Variants in ELP4 observed in about 807,000 individuals in gnomAD.
The protein encoded by ELP4 is elongator acetyltransferase complex subunit 4, also known as elongator complex protein 4.
ELP4 carries 51 observed loss-of-function variants against 48.9 expected under a neutral mutation model. That is an observed-to-expected ratio of 1.04 (90% CI 0.83 to 1.32). The LOEUF is 1.32. Ranked by LOEUF, ELP4 falls within the 40% of genes most tolerant of loss-of-function variation. The pLI is 0.00. For synonymous variants in ELP4, 210 were observed against 189.2 expected, an observed-to-expected ratio of 1.11 and a Z score of -0.90; for missense variants, 519 against 514.6, an observed-to-expected ratio of 1.01 and a Z score of -0.08.
Position 31,722,965 on chromosome 11 carries a change from C to T in ELP4, c.1144-60428C>T, listed in dbSNP as rs554842180. Reference sequence around the variant, plus strand: ...GCCAGGCATCACCCTCCCACAGGCCCGCTGCCCCAGCCCTCTCTGGATGGC... The same window carrying T: ...GCCAGGCATCACCCTCCCACAGGCCTGCTGCCCCAGCCCTCTCTGGATGGC... On this transcript the variant is annotated intron_variant, in intron 9 of 9. Coordinates refer to ENST00000640961, the MANE Select transcript of ELP4 (RefSeq NM_019040.5). Among the ~76,000 whole-genome samples the T allele has an allele frequency of 4.7e-4, 72 of 152,302 alleles. No individual in the cohort carries two copies. The South Asian group carries it at 5.8e-3, about 12-fold the overall frequency.
At chr11:31,518,328 A>G (rs908395178) in intron 1 of ELP4, among the ~76,000 whole-genome samples, 2 of 149,986 alleles carry the variant, frequency 1.3e-5, no homozygotes, top group African/African-American at 2.5e-5. Context: ...CTGGTCTCGA[A>G]CTCCTGACTT....
rs552223690 is a variant in ELP4, at chr11:31,761,880, A to T, written c.1144-21513A>T. 3 of 152,370 alleles carry T rather than the reference A, an allele frequency of 2.0e-5. No individual in the cohort carries two copies. In the East Asian group the frequency reaches 5.8e-4, roughly 29 times the overall value. 9.4% of individuals were successfully genotyped at this position (152,370 alleles called of 1,614,324 possible). A position where few individuals can be genotyped will look rare whatever the true frequency, so the allele number is the denominator to read the frequency against. On this transcript the variant is annotated intron_variant, in intron 9 of 9. Coordinates refer to ENST00000640961, the MANE Select transcript of ELP4 (RefSeq NM_019040.5). ...ACAGAGCTCAGTTGGCATCAGTCTC[A>T]GAAGAGACTGCCAGCCTCCCAATCA...
intron 9 of ELP4, among the ~76,000 whole-genome samples, chr11:31,711,007 A>G (rs1017781571): frequency 1.3e-5 from 2 of 152,224 alleles, no homozygotes; most frequent in Non-Finnish European, 2.9e-5. Context: ...GAAACAAGAT[A>G]TAAAGCAAGA....
intron 3 of ELP4, among the ~76,000 whole-genome samples, chr11:31,553,764 A>ACACACACACC (rs1491538602): frequency 6.3e-5 from 9 of 142,056 alleles, no homozygotes; most frequent in African/African-American, 2.3e-4. Flanking sequence ...ACACACACAC[A>ACACACACACC]CCCTATTGGT....
chr11:31,535,439 G>A (rs917959310), intron 2 of ELP4, among the ~76,000 whole-genome samples: 4 of 152,040 alleles, frequency 2.6e-5, no homozygotes, highest in African/African-American at 9.7e-5. Flanking sequence ...AGCTCTTGGG[G>A]CCAAGGGATC....
chr11:31,665,833 T>C (rs1592204648), intron 9 of ELP4, among the ~76,000 whole-genome samples: 1 of 151,268 alleles, frequency 6.6e-6, no homozygotes, highest in East Asian at 2.0e-4. Context: ...TTTTCTATTT[T>C]TTGTAGAGAC....
chr11:31,741,184 G>T (rs1947437729), intron 9 of ELP4, among the ~76,000 whole-genome samples: 1 of 152,204 alleles, frequency 6.6e-6, no homozygotes. Context: ...TGGCAGCGAG[G>T]CTAGGGGAGG....
chr11:31,548,392 C>T (rs1032451728), intron 3 of ELP4, among the ~76,000 whole-genome samples: 91 of 151,150 alleles, frequency 6.0e-4, no homozygotes, highest in Admixed American at 1.4e-3. Flanking sequence ...ACAATTGCTT[C>T]AAAGAGAATA....
intron 5 of ELP4, among the ~76,000 whole-genome samples, chr11:31,606,386 A>G (rs1235238011): frequency 6.6e-6 from 1 of 152,128 alleles, no homozygotes; most frequent in Admixed American, 6.6e-5. Context: ...AATTAAGGCT[A>G]GAGGTTATAG....
chr11:31,613,109 A>G (rs765915038), intron 5 of ELP4, among the ~76,000 whole-genome samples: 1 of 152,166 alleles, frequency 6.6e-6, no homozygotes, highest in Non-Finnish European at 1.5e-5. Flanking sequence ...AACTGCAGCA[A>G]TGGCTGTAGA....
chr11:31,619,200 T>C (rs1944562183), intron 5 of ELP4, among the ~76,000 whole-genome samples: 1 of 152,024 alleles, frequency 6.6e-6, no homozygotes. Flanking sequence ...GAGAAGTTAA[T>C]AATGAAGGAG....
At chr11:31,639,601 TTATC>T (rs1945048968) in intron 7 of ELP4, among the ~76,000 whole-genome samples, 2 of 152,070 alleles carry the variant, frequency 1.3e-5, no homozygotes, top group South Asian at 2.1e-4. Context: ...AAACTCTAAA[TTATC>T]TATAAAGTTC....
chr11:31,580,106 T>G (rs553500928), intron 3 of ELP4, among the ~76,000 whole-genome samples: 54 of 152,314 alleles, frequency 3.5e-4, no homozygotes, highest in Non-Finnish European at 5.9e-4. Flanking sequence ...TCTGTGTGAT[T>G]TCTTTCCTGT....
chr11:31,546,475 A>T (rs942308852), intron 3 of ELP4, among the ~76,000 whole-genome samples: 2 of 152,196 alleles, frequency 1.3e-5, no homozygotes, highest in African/African-American at 2.4e-5. Flanking sequence ...GAGCACCCAG[A>T]TTCATAAAGC....
At chr11:31,624,234 C>T (rs6484519) in intron 5 of ELP4, among the ~76,000 whole-genome samples, 141,135 of 151,772 alleles carry the variant, frequency 0.93, 66,232 homozygotes, top group South Asian at 1. Flanking sequence ...AATGGAAATA[C>T]ATTCTGAGAA....
In ELP4 at chr11:31,726,512, G is replaced by T. The variant is rs181184768; in HGVS notation, c.1144-56881G>T. 4.7e-4 allele frequency among the ~76,000 whole-genome samples: 72 copies of T among 152,278 alleles called. 1 individual carries two copies. Among genetic ancestry groups the T allele is most frequent in the African/African-American group, 1.6e-3 (67 of 41,570 alleles). ...ATATGCCAGCATGTTCCAAATGCCT[G>T]CTGTGTAACGCTAATTCTATCAGAT... On this transcript the variant is annotated intron_variant, in intron 9 of 9. Coordinates refer to ENST00000640961, the MANE Select transcript of ELP4 (RefSeq NM_019040.5).
chr11:31,632,410 G>T lies in ELP4; in HGVS notation c.927+5G>T, dbSNP rs1554966107. 8 of 1,592,052 alleles carry T rather than the reference G, an allele frequency of 5.0e-6. No individual in the cohort carries two copies. The South Asian group carries it at 9.2e-5, about 18-fold the overall frequency. On this transcript the variant is annotated splice_donor_5th_base_variant and intron_variant, in intron 7 of 9. Coordinates refer to ENST00000640961, the MANE Select transcript of ELP4 (RefSeq NM_019040.5). ...ATGCCAACACATCTGATCCAGGTAC[G>T]AAATTTCCAGAACTACTTTTTCATA...
At chr11:31,747,897 A>G (rs1947632027) in intron 9 of ELP4, among the ~76,000 whole-genome samples, 2 of 152,234 alleles carry the variant, frequency 1.3e-5, no homozygotes, top group South Asian at 4.1e-4. Flanking sequence ...ATTGGAAGAT[A>G]AGTTAGTGTC....
At chr11:31,510,620 A>AT (rs1483436534) in intron 1 of ELP4, 7 of 373,620 alleles carry the variant, frequency 1.9e-5, no homozygotes, top group Non-Finnish European at 2.8e-5. Flanking sequence ...CTGTGTATAT[A>AT]TTTTTTATTT....
Sources: allele counts gnomAD v4.1 joint callset (sites outside exome capture counted in the v4.1 genomes callset), GRCh38; gene constraint gnomAD v4.1.1; transcripts MANE v1.5; gene names NCBI Gene and HGNC (gene_info 2026-07-23, HGNC 2026-07-21).